The following C16orf74 variants were observed in gnomAD, a reference collection of about 807,000 sequenced individuals.
C16orf74 encodes uncharacterized protein C16orf74.
In C16orf74, 10 loss-of-function variants were observed where a neutral mutation model predicts 6.5. The ratio of observed to expected loss-of-function variants is 1.54; its 90% CI spans 0.95 to 2.61. The LOEUF (loss-of-function observed/expected upper bound fraction) is 2.61, where lower values mean the gene tolerates loss of function less well. C16orf74 is among the 30% of genes most tolerant of loss of function. The pLI is 0.00. For missense variants in C16orf74, 141 were observed against 105.9 expected (o/e 1.33, Z -1.45); for synonymous variants, 60 against 42.5 (o/e 1.41, Z -1.60).
At chr16:85,723,536 C>T (rs2054103555) in intron 2 of C16orf74, among the ~76,000 whole-genome samples, 1 of 152,184 alleles carries the variant, frequency 6.6e-6, no homozygotes, top group African/African-American at 2.4e-5. Context: ...CGGTCATCTC[C>T]CATGGGGTGA....
intron 2 of C16orf74, among the ~76,000 whole-genome samples, chr16:85,731,896 G>T (rs999407793): frequency 6.6e-6 from 1 of 152,156 alleles, no homozygotes; most frequent in Admixed American, 6.5e-5. Context: ...TTGCAATGTT[G>T]CCCAGACTGG....
At chr16:85,749,334 G>A (rs8056646) in intron 1 of C16orf74, among the ~76,000 whole-genome samples, 10,949 of 152,166 alleles carry the variant, frequency 0.072, 444 homozygotes, top group African/African-American at 0.1. Context: ...TGCCCAGGCT[G>A]GAATGCAGTG....
intron 2 of C16orf74, among the ~76,000 whole-genome samples, chr16:85,730,234 T>C (rs1422424505): frequency 6.6e-6 from 1 of 152,024 alleles, no homozygotes. Flanking sequence ...AGCCCATGCC[T>C]CCCGTAACCA....
intron 2 of C16orf74, among the ~76,000 whole-genome samples, chr16:85,732,526 C>A (rs184150772): frequency 1.2e-4 from 18 of 151,546 alleles, no homozygotes; most frequent in Admixed American, 9.2e-4. Context: ...ATTAGCTGGG[C>A]GTGGTGGCAC....
In C16orf74 at chr16:85,733,178, A is replaced by C. The variant is rs182437502; in HGVS notation, c.28+2012T>G. Among the ~76,000 whole-genome samples, 12 of 152,348 alleles carry C rather than the reference A, an allele frequency of 7.9e-5. No individual in the cohort carries two copies. The East Asian group carries it at 1.5e-3, about 20-fold the overall frequency. ...GTGTCCATCGTTGGAGAAGTGGATAAAGAAAATGTAGTCTGTCCACATGGT... is the reference window on the plus strand; with the variant it reads ...GTGTCCATCGTTGGAGAAGTGGATACAGAAAATGTAGTCTGTCCACATGGT... On this transcript the variant is annotated intron_variant, in intron 2 of 3. Coordinates refer to ENST00000284245, the MANE Select transcript of C16orf74 (RefSeq NM_206967.3).
At chr16:85,730,826 C>A (rs1598797265) in intron 2 of C16orf74, among the ~76,000 whole-genome samples, 1 of 120,582 alleles carries the variant, frequency 8.3e-6, no homozygotes, top group African/African-American at 3.1e-5. Context: ...TACGAGACAA[C>A]CCCCCAAGAC....
intron 2 of C16orf74, among the ~76,000 whole-genome samples, chr16:85,729,627 G>A (rs1012745376): frequency 1.3e-5 from 2 of 152,180 alleles, no homozygotes; most frequent in African/African-American, 2.4e-5. Flanking sequence ...GGTCTTTGCC[G>A]ATGTAATTAG....
chr16:85,711,391 G>T (rs2053968302), intron 2 of C16orf74, among the ~76,000 whole-genome samples: 1 of 149,572 alleles, frequency 6.7e-6, no homozygotes, highest in Non-Finnish European at 1.5e-5. Flanking sequence ...GAAGTGGGCA[G>T]ATCACCTAAG....
intron 2 of C16orf74, among the ~76,000 whole-genome samples, chr16:85,724,013 CT>C (rs960027756): frequency 1.3e-5 from 2 of 149,894 alleles, no homozygotes; most frequent in African/African-American, 4.9e-5. Flanking sequence ...TTTTTTTTTT[CT>C]TTTTTTTCAG....
At chr16:85,743,471 C>T (rs2054332825) in intron 1 of C16orf74, 1 of 152,280 alleles carries the variant, frequency 6.6e-6, no homozygotes, top group East Asian at 1.9e-4. Context: ...TCCAGCGACT[C>T]CCAGCACCCA....
Position 85,707,919 on chromosome 16 carries a change from A to T in C16orf74, c.*89T>A. 1 of 1,171,916 alleles carries T rather than the reference A, an allele frequency of 8.5e-7. No individual in the cohort carries two copies. The highest frequency in any genetic ancestry group is 1.2e-6 in the Non-Finnish European group (1 of 813,302). 72.6% of individuals were successfully genotyped at this position (1,171,916 alleles called of 1,614,324 possible). A position where few individuals can be genotyped will look rare whatever the true frequency, so the allele number is the denominator to read the frequency against. The stretch of plus-strand genomic sequence containing the variant: ...CGCTCAGTTCCCATCCAGGGTATTC[A>T]GCACACCTGCTCCAGGCAGCCACGC... On this transcript the variant is annotated 3_prime_UTR_variant, in exon 4 of 4. Transcript: ENST00000284245.
intron 1 of C16orf74, among the ~76,000 whole-genome samples, chr16:85,746,304 C>T (rs913114530): frequency 2.0e-5 from 3 of 152,148 alleles, no homozygotes; most frequent in African/African-American, 4.8e-5. Flanking sequence ...TAGTGGAGAT[C>T]GCGCCACTGC....
chr16:85,716,820 G>T (rs372992557), intron 2 of C16orf74, among the ~76,000 whole-genome samples: 1 of 152,268 alleles, frequency 6.6e-6, no homozygotes, highest in Non-Finnish European at 1.5e-5. Context: ...AAGCTCTCAG[G>T]AGGATGAAGC....
At position 85,725,136 on chromosome 16, in the gene C16orf74, G is replaced by A. The variant is rs75352551; in HGVS notation, c.28+10054C>T. ...CCGCTCTGCCCTGGGCAGGGGGCGG[G>A]GCGAGATCAGACGCCATCTGCTCCC... On this transcript the variant is annotated intron_variant, in intron 2 of 3. Transcript: ENST00000284245. 1.0e-3 allele frequency among the ~76,000 whole-genome samples: 159 copies of A among 152,326 alleles called. 2 individuals are homozygous for A. The East Asian group carries it at 0.029, about 28-fold the overall frequency.
At chr16:85,715,621 C>T (rs1022413609) in intron 2 of C16orf74, among the ~76,000 whole-genome samples, 1 of 152,132 alleles carries the variant, frequency 6.6e-6, no homozygotes, top group African/African-American at 2.4e-5. Flanking sequence ...TGAAAGCAGC[C>T]GTAGACAACG....
chr16:85,748,592 T>C (rs2054400224), intron 1 of C16orf74, among the ~76,000 whole-genome samples: 1 of 152,066 alleles, frequency 6.6e-6, no homozygotes, highest in Admixed American at 6.6e-5. Flanking sequence ...AGCAAGACTG[T>C]CTCAAGAAAA....
At position 85,715,073 on chromosome 16, in the gene C16orf74, C is replaced by T. The variant is rs1345925687; in HGVS notation, c.29-4766G>A. On this transcript the variant is annotated intron_variant, in intron 2 of 3. Coordinates refer to ENST00000284245, the MANE Select transcript of C16orf74 (RefSeq NM_206967.3). ...TCGGGAGGCTGAGGCAGGAGAATGG[C>T]GTGAACCCGGGAGGCGGAGCTTGCA... is the stretch of plus-strand genomic sequence containing the variant. Among the ~76,000 whole-genome samples the T allele has an allele frequency of 2.6e-5, 4 of 150,978 alleles. No homozygotes were observed. In the South Asian group the frequency reaches 6.3e-4, roughly 24 times the overall value.
intron 3 of C16orf74, among the ~76,000 whole-genome samples, chr16:85,709,408 T>G (rs902251389): frequency 1.3e-5 from 2 of 152,164 alleles, no homozygotes; most frequent in African/African-American, 4.8e-5. Context: ...TACTTAACTC[T>G]GAACTCTGAG....
At chr16:85,747,319 G>T (rs2054385188) in intron 1 of C16orf74, among the ~76,000 whole-genome samples, 1 of 152,168 alleles carries the variant, frequency 6.6e-6, no homozygotes. Context: ...GGGTATGGTG[G>T]CACACACCTG....
Sources: allele counts gnomAD v4.1 joint callset (sites outside exome capture counted in the v4.1 genomes callset), GRCh38; gene constraint gnomAD v4.1.1; transcripts MANE v1.5; gene names NCBI Gene and HGNC (gene_info 2026-07-23, HGNC 2026-07-21).